RABGAP1L: variants seen among roughly 807,000 people sequenced by gnomAD.
RABGAP1L encodes the protein rab GTPase-activating protein 1-like.
Under a neutral mutation model 137.7 loss-of-function variants are expected in RABGAP1L, and 63 were observed. That is an observed-to-expected ratio of 0.46 (90% CI 0.37 to 0.56). RABGAP1L has a LOEUF of 0.56. Ranked by LOEUF, RABGAP1L falls within the 20% of genes least tolerant of loss-of-function variation. The pLI is 0.00. For synonymous variants in RABGAP1L, 431 were observed against 433.7 expected, an observed-to-expected ratio of 0.99 and a Z score of 0.08; for missense variants, 1,095 against 1,244.0, an observed-to-expected ratio of 0.88 and a Z score of 1.80.
intron 14 of RABGAP1L, among the ~76,000 whole-genome samples, chr1:174,651,661 T>TG (rs1445787110): frequency 6.6e-6 from 1 of 152,200 alleles, no homozygotes; most frequent in Non-Finnish European, 1.5e-5. Context: ...TTGCAACCCC[T>TG]GCCTTTTTTT....
chr1:174,612,191 T>G (rs1671318532), intron 13 of RABGAP1L, among the ~76,000 whole-genome samples: 1 of 152,194 alleles, frequency 6.6e-6, no homozygotes, highest in African/African-American at 2.4e-5. Flanking sequence ...TGGCTGTGGG[T>G]CTGTCATAGA....
At chr1:174,195,745 T>TTCTTTCTTTCTC (rs1667602756) in intron 1 of RABGAP1L, among the ~76,000 whole-genome samples, 2 of 129,772 alleles carry the variant, frequency 1.5e-5, no homozygotes, top group African/African-American at 3.1e-5. Context: ...CTTTCTTTCT[T>TTCTTTCTTTCTC]TCTTTCTCTC....
chr1:174,874,172 G>A (rs567964054), intron 19 of RABGAP1L, among the ~76,000 whole-genome samples: 1 of 151,996 alleles, frequency 6.6e-6, no homozygotes, highest in Non-Finnish European at 1.5e-5. Flanking sequence ...TCCAGAAAGG[G>A]TTTATAAACC....
chr1:174,755,761 GAGGAAATC>G (rs11279421), intron 18 of RABGAP1L, among the ~76,000 whole-genome samples: 7,400 of 152,202 alleles, frequency 0.049, 197 homozygotes, highest in Middle Eastern at 0.065. Context: ...GGGAAAGTGG[GAGGAAATC>G]CAGAAGAACA....
chr1:174,960,395 A>G (rs1038946562), intron 20 of RABGAP1L, among the ~76,000 whole-genome samples: 2 of 152,152 alleles, frequency 1.3e-5, no homozygotes, highest in Non-Finnish European at 2.9e-5. Context: ...TATTTTTATG[A>G]CATATGCAGA....
chr1:174,677,892 A>T (rs995290358), intron 14 of RABGAP1L, among the ~76,000 whole-genome samples: 2 of 152,204 alleles, frequency 1.3e-5, no homozygotes, highest in African/African-American at 4.8e-5. Flanking sequence ...AGATAAATAG[A>T]TGGAAATAAA....
chr1:174,824,064 T>C (rs888317214), intron 19 of RABGAP1L, among the ~76,000 whole-genome samples: 2 of 151,920 alleles, frequency 1.3e-5, no homozygotes, highest in Admixed American at 6.6e-5. Flanking sequence ...CCAAGGTGGG[T>C]GGATCACCTA....
At chr1:174,506,099 G>A (rs1237407254) in intron 13 of RABGAP1L, among the ~76,000 whole-genome samples, 2 of 152,134 alleles carry the variant, frequency 1.3e-5, no homozygotes, top group African/African-American at 4.8e-5. Flanking sequence ...TGAACTCATA[G>A]AAACAAAGTA....
At chr1:174,322,631 A>G (rs1370160136) in intron 11 of RABGAP1L, among the ~76,000 whole-genome samples, 1 of 152,170 alleles carries the variant, frequency 6.6e-6, no homozygotes, top group East Asian at 1.9e-4. Context: ...CTAGCCTTAG[A>G]GTCATACAGT....
intron 13 of RABGAP1L, among the ~76,000 whole-genome samples, chr1:174,600,471 C>G (rs1449378402): frequency 6.6e-6 from 1 of 152,174 alleles, no homozygotes; most frequent in Non-Finnish European, 1.5e-5. Flanking sequence ...ACCTATGAGT[C>G]TGTAAAATCA....
chr1:174,780,720 A>ACCCCCCCC (rs1332463887), intron 18 of RABGAP1L, among the ~76,000 whole-genome samples: 2 of 25,342 alleles, frequency 7.9e-5, no homozygotes, highest in Non-Finnish European at 1.6e-4. Flanking sequence ...CCTCCCCCCC[A>ACCCCCCCC]CCCCCCCACC....
chr1:174,207,618 A>G (rs1344494928), intron 1 of RABGAP1L, among the ~76,000 whole-genome samples: 5 of 152,270 alleles, frequency 3.3e-5, no homozygotes, highest in African/African-American at 1.2e-4. Flanking sequence ...GCTATCCCAA[A>G]TAATTCATTT....
At chr1:174,736,628 C>T (rs895474917) in intron 17 of RABGAP1L, among the ~76,000 whole-genome samples, 4 of 152,228 alleles carry the variant, frequency 2.6e-5, no homozygotes, top group Non-Finnish European at 5.9e-5. Context: ...CCACACTGCC[C>T]TAGTAGAGGT....
At position 174,969,390 on chromosome 1, in the gene RABGAP1L, A is replaced by G; in HGVS notation, c.2544+3A>G. On this transcript the variant is annotated splice_donor_region_variant and intron_variant, in intron 21 of 25. Transcript: ENST00000681986. Reference sequence around the variant, plus strand: ...CTCTACGGAATGACTTGGATCAGGTAATCCTTAGAAATGAGACTGTGATGA... The same window carrying G: ...CTCTACGGAATGACTTGGATCAGGTGATCCTTAGAAATGAGACTGTGATGA... 1 of 1,542,074 alleles carries G rather than the reference A, an allele frequency of 6.5e-7. No individual in the cohort carries two copies. The highest frequency in any genetic ancestry group is 8.8e-7 in the Non-Finnish European group (1 of 1,139,250).
intron 16 of RABGAP1L, among the ~76,000 whole-genome samples, chr1:174,700,033 A>C (rs1487921129): frequency 6.6e-6 from 1 of 152,218 alleles, no homozygotes; most frequent in Non-Finnish European, 1.5e-5. Flanking sequence ...CACGTAGAAC[A>C]CTTGGAAAAG....
intron 19 of RABGAP1L, among the ~76,000 whole-genome samples, chr1:174,904,065 A>G (rs941902002): frequency 3.9e-5 from 6 of 152,022 alleles, no homozygotes; most frequent in African/African-American, 1.4e-4. Context: ...AAACAAATAT[A>G]TAGCGCCAAG....
chr1:174,424,703 A>T (rs928204468), intron 13 of RABGAP1L, among the ~76,000 whole-genome samples: 7 of 149,884 alleles, frequency 4.7e-5, no homozygotes, highest in Admixed American at 2.7e-4. Context: ...AACAGGAATA[A>T]ATTTTAGTCA....
intron 13 of RABGAP1L, among the ~76,000 whole-genome samples, chr1:174,473,336 C>G (rs567675189): frequency 2.6e-5 from 4 of 152,224 alleles, no homozygotes; most frequent in Middle Eastern, 3.4e-3. Flanking sequence ...GTGCACAATC[C>G]CAAAGCTTTC....
At chr1:174,575,795 GAC>G (rs1231031922) in intron 13 of RABGAP1L, among the ~76,000 whole-genome samples, 1 of 152,142 alleles carries the variant, frequency 6.6e-6, no homozygotes, top group East Asian at 1.9e-4. Context: ...ATAAATAATA[GAC>G]ACACACAAGA....
Sources: allele counts gnomAD v4.1 joint callset (sites outside exome capture counted in the v4.1 genomes callset), GRCh38; gene constraint gnomAD v4.1.1; transcripts MANE v1.5; gene names NCBI Gene and HGNC (gene_info 2026-07-23, HGNC 2026-07-21).